Variants in COL4A4 observed in about 807,000 individuals in gnomAD.
COL4A4 encodes collagen alpha-4(IV) chain.
A neutral mutation model predicts 192.9 loss-of-function variants in COL4A4; 105 were observed. The ratio of observed to expected loss-of-function variants is 0.54; its 90% CI spans 0.46 to 0.64. COL4A4 has a LOEUF of 0.64. Ranked by LOEUF, COL4A4 falls within the 30% of genes least tolerant of loss-of-function variation. The pLI is 0.00. For synonymous variants in COL4A4, 762 were observed against 769.9 expected (o/e 0.99, Z 0.17); for missense variants, 1,967 against 2,169.3 (o/e 0.91, Z 1.85).
rs1013646853 is a variant in COL4A4, at chr2:227,031,419, C to T, written c.3817+526G>A. Among the ~76,000 whole-genome samples the T allele has an allele frequency of 3.3e-5, 5 of 152,314 alleles. No homozygotes were observed. In the South Asian group the frequency reaches 1.0e-3, roughly 32 times the overall value. On this transcript the variant is annotated intron_variant, in intron 40 of 47. Coordinates refer to ENST00000396625, the MANE Select transcript of COL4A4 (RefSeq NM_000092.5). ...CCAACCCAGCTCTAGCCTAAACCTACTTGGTCAGCTTAGTAATGACTTCCA... is the reference window on the plus strand; with the variant it reads ...CCAACCCAGCTCTAGCCTAAACCTATTTGGTCAGCTTAGTAATGACTTCCA...
At chr2:226,988,682 A>C in the COL4A4 span, 5 of 982,214 alleles carry the variant, frequency 5.1e-6, no homozygotes, top group South Asian at 2.4e-4. Context: ...AAGGGTTTTC[A>C]TACTTTTTCT....
At chr2:226,995,688 A>G in the COL4A4 span, 2 of 612,710 alleles carry the variant, frequency 3.3e-6, no homozygotes, top group South Asian at 4.1e-5. Flanking sequence ...CCTATGAGTC[A>G]ACTCACAGCT....
At chr2:226,996,680 A>C in the COL4A4 span, 1 of 152,284 alleles carries the variant, frequency 6.6e-6, no homozygotes, top group African/African-American at 2.4e-5. Context: ...TCTGGAAAGA[A>C]ATATACCCAA....
At chr2:226,986,128 G>A in the COL4A4 span, among the ~76,000 whole-genome samples, 3 of 152,264 alleles carry the variant, frequency 2.0e-5, no homozygotes, top group South Asian at 4.1e-4. Context: ...AAACCAGACC[G>A]AATGAAATTC....
chr2:227,106,381 T>C (rs1460205450), intron 12 of COL4A4, among the ~76,000 whole-genome samples: 1 of 152,170 alleles, frequency 6.6e-6, no homozygotes, highest in African/African-American at 2.4e-5. Flanking sequence ...ATTGTAAAAG[T>C]ACCATATACT....
chr2:227,012,694 A>C (rs1314028915), intron 44 of COL4A4, among the ~76,000 whole-genome samples: 1 of 151,790 alleles, frequency 6.6e-6, no homozygotes, highest in Non-Finnish European at 1.5e-5. Context: ...TTCCTTAATA[A>C]TGATTGTTTC....
chr2:227,131,558 C>G (rs1401812361), intron 4 of COL4A4, among the ~76,000 whole-genome samples: 2 of 152,204 alleles, frequency 1.3e-5, no homozygotes, highest in African/African-American at 4.8e-5. Context: ...GCTAGCCTGT[C>G]TCCTTCCCAC....
At position 227,077,778 on chromosome 2, in the gene COL4A4, C is replaced by T. The variant is rs543462830; in HGVS notation, c.1987+116G>A. Reference sequence around the variant, plus strand: ...CACGTTAGGTAAAATGTACACTACTCGGGTGACAGGTACACTAAAATCTCA... The same window carrying T: ...CACGTTAGGTAAAATGTACACTACTTGGGTGACAGGTACACTAAAATCTCA... On this transcript the variant is annotated intron_variant, in intron 25 of 47. Coordinates refer to ENST00000396625, the MANE Select transcript of COL4A4 (RefSeq NM_000092.5). 5.1e-5 allele frequency: 48 copies of T among 941,108 alleles called. 1 individual carries two copies. In the African/African-American group the frequency reaches 7.1e-4, roughly 14 times the overall value. The allele number at this position is 941,108 out of a possible 1,614,324, so 58.3% of individuals were successfully genotyped here. A position where few individuals can be genotyped will look rare whatever the true frequency, so the allele number is the denominator to read the frequency against.
intron 44 of COL4A4, among the ~76,000 whole-genome samples, chr2:227,012,757 G>A (rs145464973): frequency 1.2e-3 from 186 of 152,224 alleles, no homozygotes; most frequent in African/African-American, 4.3e-3. Flanking sequence ...TTGGGGTCAC[G>A]TTAAATCTGG....
At position 227,102,780 on chromosome 2, in the gene COL4A4, G is replaced by C; in HGVS notation, c.930+9C>G. The stretch of plus-strand genomic sequence containing the variant: ...AAATTCACTGATGTTAACAGCAAAT[G>C]ATGCTTACCCGAGGCCCTGGAAATC... On this transcript the variant is annotated intron_variant, in intron 15 of 47. Coordinates refer to ENST00000396625, the MANE Select transcript of COL4A4 (RefSeq NM_000092.5). 1 of 1,610,984 alleles carries C rather than the reference G, an allele frequency of 6.2e-7. No homozygotes were observed. Among genetic ancestry groups the C allele is most frequent in the Non-Finnish European group, 8.5e-7 (1 of 1,177,208 alleles).
intron 37 of COL4A4, among the ~76,000 whole-genome samples, chr2:227,039,359 G>A (rs182408391): frequency 2.8e-4 from 43 of 152,172 alleles, no homozygotes; most frequent in Middle Eastern, 3.4e-3. Flanking sequence ...AGTACAGATG[G>A]GGTTTCGCTA....
intron 4 of COL4A4, among the ~76,000 whole-genome samples, chr2:227,132,515 C>G (rs1379137526): frequency 6.6e-6 from 1 of 152,200 alleles, no homozygotes; most frequent in Non-Finnish European, 1.5e-5. Flanking sequence ...GTGGCTCTTG[C>G]CTGTAATCCC....
At chr2:227,110,321 C>T (rs946788219) in intron 9 of COL4A4, among the ~76,000 whole-genome samples, 10 of 152,176 alleles carry the variant, frequency 6.6e-5, no homozygotes, top group Non-Finnish European at 1.3e-4. Flanking sequence ...GAGCTTCAAT[C>T]GTAGTAAGGA....
chr2:227,164,417 C>T (rs914615300), upstream of COL4A4: 6 of 496,496 alleles, frequency 1.2e-5, no homozygotes, highest in African/African-American at 6.2e-5. The surrounding 1 kb of genome is among the most constrained non-coding windows in gnomAD (Gnocchi z 4.8). Context: ...GCCCACCTGC[C>T]CCTCAGGCGC....
intron 7 of COL4A4, among the ~76,000 whole-genome samples, chr2:227,118,027 T>TGCC (rs1016214925): frequency 6.6e-6 from 1 of 152,228 alleles, no homozygotes; most frequent in African/African-American, 2.4e-5. Flanking sequence ...CTGTTGTTGC[T>TGCC]GCCAAGCAGG....
At chr2:227,159,074 G>A (rs1239351575) in intron 1 of COL4A4, among the ~76,000 whole-genome samples, 1 of 152,032 alleles carries the variant, frequency 6.6e-6, no homozygotes, top group Non-Finnish European at 1.5e-5. Flanking sequence ...CCCAAAAATA[G>A]GTAAATGGAC....
At chr2:227,086,444 T>C (rs1374281710) in intron 22 of COL4A4, among the ~76,000 whole-genome samples, 1 of 151,728 alleles carries the variant, frequency 6.6e-6, no homozygotes, top group Admixed American at 6.6e-5. Flanking sequence ...TTTTCTTCTC[T>C]CTCTTCCCCT....
chr2:227,108,971 A>T (rs1018139395), intron 10 of COL4A4, 103 bp from the exon 11 acceptor site: 8 of 1,196,146 alleles, frequency 6.7e-6, no homozygotes, highest in Admixed American at 3.4e-5. Context: ...GGAAACCCTT[A>T]ATTTTAAAAC....
chr2:227,046,074 T>TACTATCTAAAC (rs1972778336), intron 35 of COL4A4, among the ~76,000 whole-genome samples: 1 of 138,472 alleles, frequency 7.2e-6, no homozygotes, highest in African/African-American at 2.9e-5. Context: ...TATACATATA[T>TACTATCTAAAC]ATATTTAGAT....
Sources: gnomAD v4.1 joint callset for allele counts (sites outside exome capture counted in the v4.1 genomes callset) on GRCh38, gnomAD v4.1.1 for gene constraint, Gnocchi (gnomAD v3.1) non-coding constraint, MANE v1.5 for transcripts, NCBI Gene and HGNC (gene_info 2026-07-23, HGNC 2026-07-21) for gene names.